Variants in SNAPC3 observed in about 807,000 individuals in gnomAD.
SNAPC3 encodes small nuclear RNA activating complex polypeptide 3, also known as snRNA-activating protein complex subunit 3.
A neutral mutation model predicts 47.7 loss-of-function variants in SNAPC3; 56 were observed. The ratio of observed to expected loss-of-function variants is 1.18; its 90% CI spans 0.95 to 1.47. SNAPC3 has a LOEUF of 1.47. Ranked by LOEUF, SNAPC3 falls within the 40% of genes most tolerant of loss-of-function variation. The pLI is 0.00. For missense variants in SNAPC3, 665 were observed against 511.3 expected, an observed-to-expected ratio of 1.30 and a Z score of -2.90; for synonymous variants, 235 against 189.9, an observed-to-expected ratio of 1.24 and a Z score of -1.95.
chr9:15,439,210 C>T (rs748433645), intron 3 of SNAPC3, among the ~76,000 whole-genome samples: 7 of 152,078 alleles, frequency 4.6e-5, no homozygotes, highest in Non-Finnish European at 8.8e-5. Flanking sequence ...GGCGTTTTGC[C>T]GTGTTGCCCA....
chr9:15,422,905 C>G lies in SNAPC3; in HGVS notation c.26C>G (p.Pro9Arg), dbSNP rs376165641. The change falls in exon 1 of 9, where the codon CCT (proline) becomes CGT (arginine). Residue 9 changes from proline to arginine, a missense_variant. Pro to Arg is a moderately radical substitution (Grantham distance 103). Transcript: ENST00000380821. MAEGSRGGPTCSGVGGRQD... is the reference protein window; with the variant it reads MAEGSRGGRTCSGVGGRQD... Reference sequence around the variant, plus strand: ...ATGGCTGAAGGAAGCCGAGGTGGCCCTACGTGTAGCGGGGTGGGTGGCAGG... The same window carrying G: ...ATGGCTGAAGGAAGCCGAGGTGGCCGTACGTGTAGCGGGGTGGGTGGCAGG... The G allele has an allele frequency of 4.2e-5, 64 of 1,535,190 alleles. 1 individual carries two copies. In the South Asian group the frequency reaches 4.2e-4, roughly 10 times the overall value.
At chr9:15,455,486 G>C (rs910989732) in intron 7 of SNAPC3, among the ~76,000 whole-genome samples, 1 of 152,074 alleles carries the variant, frequency 6.6e-6, no homozygotes, top group Admixed American at 6.6e-5. Flanking sequence ...AGAATCACTT[G>C]AACCCGGGAA....
chr9:15,459,997 T>C lies in SNAPC3; in HGVS notation c.*131T>C. On this transcript the variant is annotated 3_prime_UTR_variant, in exon 9 of 9. Coordinates refer to ENST00000380821, the MANE Select transcript of SNAPC3 (RefSeq NM_001039697.2). Reference sequence around the variant, plus strand: ...GTCCGCTAAAGCTATCAAAAAAAAGTCCAAATGACAGATTTTCTTATAATG... The same window carrying C: ...GTCCGCTAAAGCTATCAAAAAAAAGCCCAAATGACAGATTTTCTTATAATG... 1 of 640,652 alleles carries C rather than the reference T, an allele frequency of 1.6e-6. No homozygotes were observed. The highest frequency in any genetic ancestry group is 3.6e-4 in the Middle Eastern group (1 of 2,790). 39.7% of individuals were successfully genotyped at this position (640,652 alleles called of 1,614,324 possible).
intron 3 of SNAPC3, among the ~76,000 whole-genome samples, chr9:15,438,026 GA>G (rs899807104): frequency 2.0e-5 from 3 of 152,120 alleles, no homozygotes; most frequent in Non-Finnish European, 4.4e-5. Context: ...TACTCCTTTT[GA>G]AATTTTGTGA....
At position 15,460,050 on chromosome 9, in the gene SNAPC3, T is replaced by A. The variant is rs186800425; in HGVS notation, c.*184T>A. 3.2e-5 allele frequency: 14 copies of A among 435,760 alleles called. No individual in the cohort carries two copies. In the East Asian group the frequency reaches 4.9e-4, roughly 15 times the overall value. The allele number at this position is 435,760 out of a possible 1,614,324, so 27.0% of individuals were successfully genotyped here. A position where few individuals can be genotyped will look rare whatever the true frequency, so the allele number is the denominator to read the frequency against. Reference sequence around the variant, plus strand: ...AGTATTTAAATGTTTATAACATAGTTTAATTTTATATTTATTCCAGATAGT... The same window carrying A: ...AGTATTTAAATGTTTATAACATAGTATAATTTTATATTTATTCCAGATAGT... On this transcript the variant is annotated 3_prime_UTR_variant, in exon 9 of 9. Coordinates refer to ENST00000380821, the MANE Select transcript of SNAPC3 (RefSeq NM_001039697.2).
At chr9:15,452,994 T>A in intron 6 of SNAPC3, 47 bp from the exon 7 acceptor site, 1 of 1,490,856 alleles carries the variant, frequency 6.7e-7, no homozygotes, top group Non-Finnish European at 9.1e-7. Context: ...CTGTAGTTTT[T>A]AAGTTTTTGT....
rs1431159036 is a variant in SNAPC3 at position 15,447,233 on chromosome 9, C to G, written c.721C>G (p.His241Asp). Residue 241 changes from histidine (H) to aspartate (D), a missense_variant, in exon 5 of 9, where the codon CAC becomes GAC. Transcript: ENST00000380821. ...CAACACTCCTGACCAAGCCCCTGAG[C>G]ACATCAGCAAAGTAAGGTGATTTCC... ...FSNTPDQAPE[H>D]ISKDLYKSAF... 10 of 1,613,974 alleles carry G rather than the reference C, an allele frequency of 6.2e-6. No homozygotes were observed. Among genetic ancestry groups the G allele is most frequent in the Non-Finnish European group, 7.6e-6 (9 of 1,179,910 alleles).
At chr9:15,435,156 T>C (rs534960516) in intron 3 of SNAPC3, among the ~76,000 whole-genome samples, 1 of 152,348 alleles carries the variant, frequency 6.6e-6, no homozygotes, top group African/African-American at 2.4e-5. Context: ...TGCATTTCCC[T>C]AATAACTAGT....
At chr9:15,442,530 A>T (rs982847610) in intron 3 of SNAPC3, among the ~76,000 whole-genome samples, 4 of 150,964 alleles carry the variant, frequency 2.6e-5, no homozygotes, top group African/African-American at 9.8e-5. Context: ...CACCTCCCAG[A>T]TCGGGTGGCG....
At chr9:15,427,550 A>G (rs2131740455) in intron 2 of SNAPC3, among the ~76,000 whole-genome samples, 1 of 152,252 alleles carries the variant, frequency 6.6e-6, no homozygotes, top group Admixed American at 6.5e-5. Context: ...GGGTTTCACC[A>G]TTTTGACCAG....
intron 7 of SNAPC3, 131 bp from the exon 8 acceptor site, chr9:15,457,829 C>A: frequency 3.4e-6 from 2 of 595,192 alleles, no homozygotes; most frequent in Middle Eastern, 2.9e-4. Context: ...AGTAATTCAG[C>A]AACATCTTGT....
intron 5 of SNAPC3, among the ~76,000 whole-genome samples, chr9:15,449,569 T>A (rs868094500): frequency 7.0e-3 from 739 of 105,642 alleles, no homozygotes; most frequent in Non-Finnish European, 0.011. Flanking sequence ...ATATATTTTT[T>A]TTTTTTTTTT....
In SNAPC3 at chr9:15,423,908, G is replaced by T; in HGVS notation, c.315-1G>T. The T allele has an allele frequency of 6.4e-7, 1 of 1,554,292 alleles. No homozygotes were observed. Among genetic ancestry groups the T allele is most frequent in the Non-Finnish European group, 8.7e-7 (1 of 1,151,082 alleles). ...AGTATTGCTTTTCCTTTTTGTTTTAGCCTTGATAAACTGAAATGCCTTGAG... is the reference window on the plus strand; with the variant it reads ...AGTATTGCTTTTCCTTTTTGTTTTATCCTTGATAAACTGAAATGCCTTGAG... On this transcript the variant is annotated splice_acceptor_variant, in intron 1 of 8. Coordinates refer to ENST00000380821, the MANE Select transcript of SNAPC3 (RefSeq NM_001039697.2). LOFTEE classifies it high-confidence loss of function.
At chr9:15,441,506 A>AAGG (rs1173058267) in intron 3 of SNAPC3, among the ~76,000 whole-genome samples, 2 of 150,792 alleles carry the variant, frequency 1.3e-5, no homozygotes, top group Non-Finnish European at 2.9e-5. Context: ...ACAAGTGAAC[A>AAGG]AGGGTCTCTG....
chr9:15,442,242 C>A (rs7871517), intron 3 of SNAPC3, among the ~76,000 whole-genome samples: 1 of 107,126 alleles, frequency 9.3e-6, no homozygotes, highest in Non-Finnish European at 2.0e-5. Flanking sequence ...GCTGGCCGGG[C>A]GGGGGCTGCC....
chr9:15,428,481 C>T (rs1382221978), intron 2 of SNAPC3, among the ~76,000 whole-genome samples: 1 of 146,652 alleles, frequency 6.8e-6, no homozygotes, highest in African/African-American at 2.5e-5. Context: ...TGCACTCCAG[C>T]CTGGGCGACA....
chr9:15,453,291 A>G (rs2131940198), intron 7 of SNAPC3, 86 bp downstream of exon 7: 1 of 1,116,880 alleles, frequency 9.0e-7, no homozygotes. Context: ...TTTAAAAATA[A>G]GAGGAGTAAA....
intron 3 of SNAPC3, among the ~76,000 whole-genome samples, chr9:15,437,712 GATAA>G (rs1300304942): frequency 1.3e-5 from 2 of 151,544 alleles, no homozygotes; most frequent in African/African-American, 2.4e-5. Flanking sequence ...GCATTTTGAG[GATAA>G]ATAAATTCCA....
intron 3 of SNAPC3, among the ~76,000 whole-genome samples, chr9:15,442,803 G>C (rs1041915855): frequency 2.6e-5 from 4 of 152,204 alleles, no homozygotes; most frequent in Non-Finnish European, 5.9e-5. Context: ...TCGGCACTTT[G>C]GGAGGCCAAG....
Sources: gnomAD v4.1 joint callset for allele counts (sites outside exome capture counted in the v4.1 genomes callset) on GRCh38, gnomAD v4.1.1 for gene constraint, MANE v1.5 for transcripts, NCBI Gene and HGNC (gene_info 2026-07-23, HGNC 2026-07-21) for gene names.